SIDT1: variants seen among roughly 807,000 people sequenced by gnomAD.
The protein encoded by SIDT1 is SID1 transmembrane family member 1, also known as SID1 transmembrane family, member 1.
Under a neutral mutation model 107.5 loss-of-function variants are expected in SIDT1, and 101 were observed. The observed-to-expected ratio is 0.94, with a 90% CI of 0.80 to 1.11. The LOEUF (loss-of-function observed/expected upper bound fraction) is 1.11. Among genes scored for constraint, SIDT1 ranks in the 50% least tolerant of loss-of-function variants. The pLI, the probability that SIDT1 is intolerant of heterozygous loss-of-function variation, is 0.00. For synonymous variants in SIDT1, 395 were observed against 398.2 expected (o/e 0.99, Z 0.10); for missense variants, 1,076 against 1,058.2 (o/e 1.02, Z -0.23).
chr3:113,572,336 C>T (rs1447189347), intron 3 of SIDT1, among the ~76,000 whole-genome samples: 2 of 152,174 alleles, frequency 1.3e-5, no homozygotes, highest in African/African-American at 4.8e-5. Flanking sequence ...CTAGTGCAGT[C>T]TTCAGGAACA....
At chr3:113,606,970 C>T in intron 14 of SIDT1, 71 bp from the exon 15 acceptor site, 2 of 962,296 alleles carry the variant, frequency 2.1e-6, no homozygotes, top group East Asian at 4.8e-5. Context: ...CCTGTCTGCT[C>T]TTTGTGTTCC....
intron 4 of SIDT1, 64 bp downstream of exon 4, chr3:113,577,031 A>T: frequency 6.8e-7 from 1 of 1,478,992 alleles, no homozygotes; most frequent in Non-Finnish European, 9.5e-7. Context: ...CCTGTTAGTG[A>T]AACCATGTTA....
intron 10 of SIDT1, among the ~76,000 whole-genome samples, chr3:113,600,933 C>T (rs181966225): frequency 2.9e-4 from 44 of 152,288 alleles, no homozygotes; most frequent in Non-Finnish European, 5.3e-4. Flanking sequence ...CCAAAGTCTG[C>T]ATTTTGAAGG....
At chr3:113,583,567 C>G in intron 7 of SIDT1, 71 bp downstream of exon 7, 1 of 1,179,260 alleles carries the variant, frequency 8.5e-7, no homozygotes, top group Non-Finnish European at 1.2e-6. Flanking sequence ...GAAGCTGAAA[C>G]CTCCTTTCTA....
chr3:113,547,329 T>C (rs1176721546), intron 1 of SIDT1, among the ~76,000 whole-genome samples: 3 of 152,152 alleles, frequency 2.0e-5, no homozygotes, highest in Non-Finnish European at 4.4e-5. Flanking sequence ...CTTATTCATA[T>C]GTGGAGGCTA....
At chr3:113,612,426 A>G in intron 19 of SIDT1, 2 of 589,400 alleles carry the variant, frequency 3.4e-6, no homozygotes, top group Non-Finnish European at 6.4e-6. Flanking sequence ...AAGGTTTGCC[A>G]CACCTCAGAG....
intron 1 of SIDT1, among the ~76,000 whole-genome samples, chr3:113,555,481 CTG>C (rs1237642737): frequency 1.3e-5 from 2 of 152,160 alleles, no homozygotes; most frequent in Non-Finnish European, 2.9e-5. Context: ...TAGAATCTGA[CTG>C]TGCATTTTTC....
chr3:113,538,770 G>C (rs72950844), intron 1 of SIDT1, among the ~76,000 whole-genome samples: 6,423 of 152,192 alleles, frequency 0.042, 254 homozygotes, highest in African/African-American at 0.11. Context: ...ATTTGAGAAG[G>C]TTATGATAGG....
intron 17 of SIDT1, among the ~76,000 whole-genome samples, chr3:113,610,766 A>G (rs545435543): frequency 3.2e-4 from 49 of 152,288 alleles, no homozygotes; most frequent in East Asian, 1.3e-3. Flanking sequence ...TTATTATATC[A>G]GATGTTTTTC....
At chr3:113,538,335 A>G (rs1201703033) in intron 1 of SIDT1, among the ~76,000 whole-genome samples, 2 of 152,200 alleles carry the variant, frequency 1.3e-5, no homozygotes, top group Non-Finnish European at 2.9e-5. Context: ...GTCTGATGTT[A>G]TGGAGGAGCT....
chr3:113,608,554 C>G lies in SIDT1; in HGVS notation c.1720+18C>G, dbSNP rs748276006. 7 of 1,503,218 alleles carry G rather than the reference C, an allele frequency of 4.7e-6. No homozygotes were observed. Among genetic ancestry groups the G allele is most frequent in the Non-Finnish European group, 5.6e-6 (6 of 1,079,354 alleles). The allele number at this position is 1,503,218 out of a possible 1,614,324, so 93.1% of individuals were successfully genotyped here. On this transcript the variant is annotated intron_variant, in intron 17 of 24. Coordinates refer to ENST00000264852, the MANE Select transcript of SIDT1 (RefSeq NM_017699.3). ...CCAATTCGGTAATTAGAACTTATATCTACTATACAGATTTGAATCGTCAGT... is the reference window on the plus strand; with the variant it reads ...CCAATTCGGTAATTAGAACTTATATGTACTATACAGATTTGAATCGTCAGT...
intron 23 of SIDT1, among the ~76,000 whole-genome samples, chr3:113,624,583 T>C (rs1043467405): frequency 1.3e-5 from 2 of 152,218 alleles, no homozygotes; most frequent in Non-Finnish European, 2.9e-5. Context: ...AGTTTTTTCC[T>C]TGAGGTAAAA....
chr3:113,587,075 A>T (rs554683480), intron 9 of SIDT1, among the ~76,000 whole-genome samples: 1 of 152,312 alleles, frequency 6.6e-6, no homozygotes, highest in East Asian at 1.9e-4. Flanking sequence ...GAATTCGATA[A>T]CTGTATTGTG....
In SIDT1 at chr3:113,623,700, A is replaced by T; in HGVS notation, c.2274A>T (p.Leu758=). ...VATAVMWAAA[L]YFFFQNLSSW... is the part of the protein sequence containing the mutation. ...CCGCTGTGATGTGGGCTGCCGCCCT[A>T]TATTTTTTCTTCCAGAATCTCAGCA... Residue 758 remains leucine, a synonymous_variant, in exon 23 of 25, where the codon CTA becomes CTT. Coordinates refer to ENST00000264852, the MANE Select transcript of SIDT1 (RefSeq NM_017699.3). The T allele has an allele frequency of 6.2e-7, 1 of 1,613,982 alleles. No individual in the cohort carries two copies. Among genetic ancestry groups the T allele is most frequent in the Non-Finnish European group, 8.5e-7 (1 of 1,179,920 alleles).
chr3:113,556,975 A>C (rs375439971), intron 1 of SIDT1, among the ~76,000 whole-genome samples: 1 of 150,300 alleles, frequency 6.7e-6, no homozygotes, highest in African/African-American at 2.5e-5. Context: ...GCCCACCACC[A>C]CGCCCAGCTA....
rs776943022 is a variant in SIDT1, at chr3:113,627,672, T to A, written c.2448T>A (p.Leu816=). ...FLVLLTLDDD[L]DVVRRDQIPV... is the part of the protein sequence containing the mutation. ...TTTTGTTAACTTTGGATGATGACCT[T>A]GATGTGGTTCGGAGAGACCAGATCC... The change falls in exon 25 of 25, where the codon CTT becomes CTA. Residue 816 remains leucine, a synonymous_variant. Coordinates refer to ENST00000264852, the MANE Select transcript of SIDT1 (RefSeq NM_017699.3). 1.4e-4 allele frequency: 233 copies of A among 1,614,000 alleles called. 2 individuals are homozygous for A. Among genetic ancestry groups the A allele is most frequent in the South Asian group, 1.1e-3 (100 of 91,068 alleles).
chr3:113,612,383 ATT>A (rs112240521), intron 19 of SIDT1, 189 bp downstream of exon 19: 5 of 655,774 alleles, frequency 7.6e-6, no homozygotes, highest in African/African-American at 5.3e-5. Context: ...GTGATAAGCT[ATT>A]ACCCCTAGTT....
intron 1 of SIDT1, among the ~76,000 whole-genome samples, chr3:113,546,565 A>G (rs2107629814): frequency 6.6e-6 from 1 of 152,002 alleles, no homozygotes; most frequent in African/African-American, 2.4e-5. Flanking sequence ...TTTGGTTGTC[A>G]TTTTGTTTTA....
chr3:113,599,079 T>C (rs1192709045), intron 10 of SIDT1, among the ~76,000 whole-genome samples: 1 of 152,202 alleles, frequency 6.6e-6, no homozygotes, highest in African/African-American at 2.4e-5. Context: ...CAGTGCGCCA[T>C]GATTGTGCCA....
Sources: allele counts gnomAD v4.1 joint callset (sites outside exome capture counted in the v4.1 genomes callset), GRCh38; gene constraint gnomAD v4.1.1; transcripts MANE v1.5; gene names NCBI Gene and HGNC (gene_info 2026-07-23, HGNC 2026-07-21).